The following DPY19L2 variants were observed in gnomAD, a reference collection of about 807,000 sequenced individuals.
DPY19L2 encodes probable C-mannosyltransferase DPY19L2.
DPY19L2 carries 34 observed loss-of-function variants against 97.9 expected under a neutral mutation model. That is an observed-to-expected ratio of 0.35 (90% confidence interval 0.26 to 0.46). DPY19L2 has a LOEUF of 0.46. Among genes scored for constraint, DPY19L2 ranks in the 20% least tolerant of loss-of-function variants. The pLI is 1.00. For missense variants in DPY19L2, 623 were observed against 911.4 expected (o/e 0.68, Z 4.07); for synonymous variants, 230 against 307.9 (o/e 0.75, Z 2.65).
intron 1 of DPY19L2, among the ~76,000 whole-genome samples, chr12:63,666,095 G>GT (rs1161088398): frequency 2.6e-5 from 4 of 151,984 alleles, no homozygotes; most frequent in African/African-American, 7.3e-5. Flanking sequence ...ACTTGAGAGG[G>GT]TTTTTTTACT....
intron 11 of DPY19L2, among the ~76,000 whole-genome samples, chr12:63,612,790 A>T (rs1047912842): frequency 6.6e-6 from 1 of 151,926 alleles, no homozygotes; most frequent in Non-Finnish European, 1.5e-5. Flanking sequence ...CAGACTGATC[A>T]GAAAAAAAAA....
chr12:63,582,571 T>C (rs1312736163), intron 17 of DPY19L2, 46 bp from the exon 18 acceptor site: 30 of 1,564,462 alleles, frequency 1.9e-5, no homozygotes, highest in Non-Finnish European at 2.6e-5. Context: ...CTTTTCATAT[T>C]TTTAAATTAA....
Position 63,570,749 on chromosome 12 carries a change from G to T in DPY19L2, c.2000+9C>A, listed in dbSNP as rs760098892. 8 of 1,606,518 alleles carry T rather than the reference G, an allele frequency of 5.0e-6. No homozygotes were observed. In the African/African-American group the frequency reaches 1.1e-4, roughly 22 times the overall value. ...GTGAGTCTTGAAGAAATACTCATCA[G>T]CTGCCAACCTCAAGTCTGCATCTTC... On this transcript the variant is annotated intron_variant, in intron 20 of 21. Coordinates refer to ENST00000324472, the MANE Select transcript of DPY19L2 (RefSeq NM_173812.5).
intron 4 of DPY19L2, among the ~76,000 whole-genome samples, chr12:63,653,694 T>C (rs537071809): frequency 6.6e-6 from 1 of 152,136 alleles, no homozygotes; most frequent in Admixed American, 6.5e-5. Context: ...AAATCCACAC[T>C]AAAACACAAC....
chr12:63,580,947 A>G, intron 18 of DPY19L2, 111 bp from the exon 19 acceptor site: 3 of 1,086,104 alleles, frequency 2.8e-6, no homozygotes, highest in Non-Finnish European at 3.9e-6. Flanking sequence ...CTTTGATATC[A>G]GCACACATGT....
chr12:63,629,312 C>A (rs1204526194), intron 6 of DPY19L2, among the ~76,000 whole-genome samples: 2 of 151,978 alleles, frequency 1.3e-5, no homozygotes, highest in Non-Finnish European at 2.9e-5. Flanking sequence ...AAGTTAAAAA[C>A]CTTGAAAAAA....
At chr12:63,646,641 C>T (rs1321657242) in intron 5 of DPY19L2, among the ~76,000 whole-genome samples, 2 of 152,070 alleles carry the variant, frequency 1.3e-5, no homozygotes, top group East Asian at 1.9e-4. Flanking sequence ...CGGCACCATA[C>T]TTGAATTGTA....
chr12:63,648,985 A>G (rs573866734), intron 4 of DPY19L2, among the ~76,000 whole-genome samples: 1 of 152,190 alleles, frequency 6.6e-6, no homozygotes, highest in East Asian at 1.9e-4. Context: ...AGAGAAATAG[A>G]TAGTCTCAGC....
At chr12:63,610,867 A>AAAAAAAAAAAC (rs1886869437) in intron 11 of DPY19L2, among the ~76,000 whole-genome samples, 7 of 102,874 alleles carry the variant, frequency 6.8e-5, no homozygotes, top group Non-Finnish European at 1.4e-4. Flanking sequence ...AAAAAAAAAA[A>AAAAAAAAAAAC]AAAAAAAACC....
intron 4 of DPY19L2, among the ~76,000 whole-genome samples, chr12:63,649,575 T>C (rs1893898595): frequency 6.6e-6 from 1 of 151,956 alleles, no homozygotes; most frequent in African/African-American, 2.4e-5. Flanking sequence ...CTGGAAAACC[T>C]AGAAGAAATG....
At position 63,663,989 on chromosome 12, in the gene DPY19L2, G is replaced by A. The variant is rs530031584; in HGVS notation, c.363-144C>T. On this transcript the variant is annotated intron_variant, in intron 2 of 21. Coordinates refer to ENST00000324472, the MANE Select transcript of DPY19L2 (RefSeq NM_173812.5). ...TGCTTACTAACTTGTATGTTTTTCA[G>A]CATTTATAATCCAGTATGGCACACA... 3.2e-4 allele frequency: 196 copies of A among 621,282 alleles called. 1 individual carries two copies. In the African/African-American group the frequency reaches 3.6e-3, roughly 11 times the overall value. The allele number at this position is 621,282 out of a possible 1,614,324, so 38.5% of individuals were successfully genotyped here. A position where few individuals can be genotyped will look rare whatever the true frequency, so the allele number is the denominator to read the frequency against.
intron 21 of DPY19L2, among the ~76,000 whole-genome samples, chr12:63,566,803 T>C (rs1482755619): frequency 6.6e-6 from 1 of 152,062 alleles, no homozygotes; most frequent in Admixed American, 6.6e-5. Context: ...TGGGAAAAAA[T>C]GCCCAATACA....
intron 6 of DPY19L2, among the ~76,000 whole-genome samples, chr12:63,632,086 T>C (rs1324867597): frequency 1.3e-5 from 2 of 152,112 alleles, no homozygotes; most frequent in African/African-American, 2.4e-5. Flanking sequence ...GAGCTATCTA[T>C]GACAAACCCA....
chr12:63,666,008 G>A, intron 1 of DPY19L2, 149 bp from the exon 2 acceptor site: 2 of 791,222 alleles, frequency 2.5e-6, no homozygotes, highest in Non-Finnish European at 3.8e-6. Context: ...AAGAGCATAG[G>A]AAAAAATCCA....
chr12:63,631,890 G>A (rs1890755069), intron 6 of DPY19L2, among the ~76,000 whole-genome samples: 2 of 152,050 alleles, frequency 1.3e-5, no homozygotes, highest in South Asian at 4.1e-4. Flanking sequence ...TTCATCCCTG[G>A]GATGCAAGGC....
At chr12:63,602,204 A>C (rs1158781391) in intron 12 of DPY19L2, among the ~76,000 whole-genome samples, 2 of 152,100 alleles carry the variant, frequency 1.3e-5, no homozygotes, top group African/African-American at 4.8e-5. Flanking sequence ...ATGGGGAAAA[A>C]AGCAGAAAGA....
At chr12:63,585,611 G>A (rs934594868) in intron 16 of DPY19L2, among the ~76,000 whole-genome samples, 1 of 152,058 alleles carries the variant, frequency 6.6e-6, no homozygotes, top group Admixed American at 6.6e-5. Flanking sequence ...TGCATGCAAG[G>A]AAGAAGCCTG....
At chr12:63,591,150 T>C (rs1288768428) in intron 16 of DPY19L2, 1 of 454,010 alleles carries the variant, frequency 2.2e-6, no homozygotes, top group Non-Finnish European at 4.4e-6. Context: ...AGAATGGTTC[T>C]ATTATCCCCT....
intron 14 of DPY19L2, among the ~76,000 whole-genome samples, 189 bp downstream of exon 14, chr12:63,597,620 T>C (rs1884458516): frequency 1.4e-5 from 2 of 140,602 alleles, no homozygotes; most frequent in South Asian, 4.6e-4. Context: ...AATAACTCTA[T>C]AAGATAGAGG....
Sources: allele counts gnomAD v4.1 joint callset (sites outside exome capture counted in the v4.1 genomes callset), GRCh38; gene constraint gnomAD v4.1.1; transcripts MANE v1.5; gene names NCBI Gene and HGNC (gene_info 2026-07-23, HGNC 2026-07-21).